The following GRID2IP variants were observed in gnomAD, a reference collection of about 807,000 sequenced individuals.
GRID2IP encodes Grid2 interacting protein, also known as delphilin.
Under a neutral mutation model 114.3 loss-of-function variants are expected in GRID2IP, and 78 were observed. The ratio of observed to expected loss-of-function variants is 0.68; its 90% CI spans 0.57 to 0.82. The LOEUF is 0.82. Among genes scored for constraint, GRID2IP ranks in the 40% least tolerant of loss-of-function variants. GRID2IP has a pLI of 0.00. For missense variants in GRID2IP, 1,727 were observed against 1,678.5 expected (o/e 1.03, Z -0.51); for synonymous variants, 809 against 724.0 (o/e 1.12, Z -1.89).
rs2115362449 is a variant in GRID2IP at position 6,508,477 on chromosome 7, C to G, written c.2128-76G>C. Reference sequence around the variant, plus strand: ...CTAGAGCAGGTGCAAAGTGAAGGATCATGGGATAGCCTGGGACAAGGACAG... The same window carrying G: ...CTAGAGCAGGTGCAAAGTGAAGGATGATGGGATAGCCTGGGACAAGGACAG... On this transcript the variant is annotated intron_variant, in intron 12 of 21. Transcript: ENST00000457091. This position sits in a 1 kb window ranked among gnomAD's most constrained non-coding sequence, Gnocchi z 5.6. The G allele has an allele frequency of 6.5e-7, 1 of 1,539,624 alleles. No homozygotes were observed. Among genetic ancestry groups the G allele is most frequent in the South Asian group, 1.2e-5 (1 of 82,272 alleles).
At chr7:6,525,180 G>T (rs1283169402) in intron 4 of GRID2IP, among the ~76,000 whole-genome samples, 1 of 151,894 alleles carries the variant, frequency 6.6e-6, no homozygotes, top group African/African-American at 2.4e-5. Flanking sequence ...GGTGGCAGGC[G>T]CCTGTAATCT....
At chr7:6,535,189 C>A (rs901035289) in intron 2 of GRID2IP, among the ~76,000 whole-genome samples, 1 of 151,340 alleles carries the variant, frequency 6.6e-6, no homozygotes, top group Admixed American at 6.6e-5. Context: ...CGGGCCTTGC[C>A]CAGCAAATTG....
Position 6,509,102 on chromosome 7 carries a change from C to T in GRID2IP, c.1983G>A (p.Pro661=), listed in dbSNP as rs1384341191. 1.2e-4 allele frequency: 36 copies of T among 305,934 alleles called. No homozygotes were observed. The highest frequency in any genetic ancestry group is 2.2e-3 in the Middle Eastern group (2 of 908). The allele number at this position is 305,934 out of a possible 1,614,324, so 19.0% of individuals were successfully genotyped here. The change falls in exon 12 of 22, where the codon CCG becomes CCA. Residue 661 remains proline, a synonymous_variant. Coordinates refer to ENST00000457091, the MANE Select transcript of GRID2IP (RefSeq NM_001145118.2). This position sits in a 1 kb window ranked among gnomAD's most constrained non-coding sequence, Gnocchi z 4.9. The part of the protein sequence containing the change: ...DSPPSPDPTR[P]PSRRKLFTFS... ...AGGTGAAGAGCTTCCTGCGGCTGGG[C>T]GGGCGGGTGGGGTCCGGGCTTGGGG...
intron 1 of GRID2IP, among the ~76,000 whole-genome samples, chr7:6,549,605 T>A (rs1013499338): frequency 6.6e-6 from 1 of 152,110 alleles, no homozygotes; most frequent in African/African-American, 2.4e-5. Flanking sequence ...GGAATTCTTT[T>A]ACATTTTTTT....
At chr7:6,504,387 G>C (rs1786514341) in intron 15 of GRID2IP, among the ~76,000 whole-genome samples, 1 of 148,748 alleles carries the variant, frequency 6.7e-6, no homozygotes, top group Non-Finnish European at 1.5e-5. Flanking sequence ...CCTGCGAGGG[G>C]TGCCGTAGGG....
In GRID2IP at chr7:6,509,059, T is replaced by G. The variant is rs1294023041; in HGVS notation, c.2026A>C (p.Ser676Arg). Reference protein sequence around the residue: ...KLFTFSHPVRSRDTDRFLDVL... With the variant: ...KLFTFSHPVRRRDTDRFLDVL... ...TCCAGGAAGCGGTCAGTATCGCGGC[T>G]TCGCACAGGGTGGGAGAAGGTGAAG... is the stretch of plus-strand genomic sequence containing the variant. Residue 676 changes from serine (S) to arginine (R), a missense_variant, in exon 12 of 22, where the codon AGC (serine) becomes CGC (arginine). Transcript: ENST00000457091. This position sits in a 1 kb window ranked among gnomAD's most constrained non-coding sequence, Gnocchi z 4.9. 3.3e-6 allele frequency: 5 copies of G among 1,537,376 alleles called. No homozygotes were observed. The highest frequency in any genetic ancestry group is 8.7e-7 in the Non-Finnish European group (1 of 1,142,988).
intron 1 of GRID2IP, 129 bp from the exon 2 acceptor site, chr7:6,540,001 G>T (rs1779787974): frequency 1.5e-6 from 1 of 688,386 alleles, no homozygotes; most frequent in Non-Finnish European, 2.4e-6. Context: ...CCACCTGAGT[G>T]CTATGCCCAT....
At chr7:6,527,798 G>A (rs1213821726) in intron 2 of GRID2IP, among the ~76,000 whole-genome samples, 2 of 146,158 alleles carry the variant, frequency 1.4e-5, no homozygotes, top group African/African-American at 2.5e-5. Flanking sequence ...TTGCTCTGTC[G>A]CCCAGGCTGG....
At chr7:6,510,568 GC>G (rs1444477445) in intron 10 of GRID2IP, 40 bp downstream of exon 10, 2 of 1,446,286 alleles carry the variant, frequency 1.4e-6, no homozygotes, top group Non-Finnish European at 1.9e-6. Context: ...TCCATTCCCT[GC>G]CCCCTACTGA....
rs1211740709 is a variant in GRID2IP, at chr7:6,508,545, G to A, written c.2128-144C>T. The A allele has an allele frequency of 6.5e-5, 89 of 1,360,904 alleles. No individual in the cohort carries two copies. Among genetic ancestry groups the A allele is most frequent in the Admixed American group, 2.0e-4 (9 of 44,364 alleles). 84.3% of individuals were successfully genotyped at this position (1,360,904 alleles called of 1,614,324 possible). A position where few individuals can be genotyped will look rare whatever the true frequency, so the allele number is the denominator to read the frequency against. On this transcript the variant is annotated intron_variant, in intron 12 of 21. Coordinates refer to ENST00000457091, the MANE Select transcript of GRID2IP (RefSeq NM_001145118.2). This position sits in a 1 kb window ranked among gnomAD's most constrained non-coding sequence, Gnocchi z 5.6. ...GCCTCAGGCTGTGAGGGACACCTGG[G>A]CTAAGGATAGGACTGTCTCACAGGT...
Position 6,543,287 on chromosome 7 carries a change from C to T in GRID2IP, c.430-3415G>A, listed in dbSNP as rs1344944147. Among the ~76,000 whole-genome samples the T allele has an allele frequency of 3.3e-5, 5 of 152,142 alleles. No individual in the cohort carries two copies. In the East Asian group the frequency reaches 9.6e-4, roughly 29 times the overall value. On this transcript the variant is annotated intron_variant, in intron 1 of 21. Coordinates refer to ENST00000457091, the MANE Select transcript of GRID2IP (RefSeq NM_001145118.2). ...TGGCAAACGCCTGTAATCCCAGTTACTCGGGAGGCTGAGGCAGGAGAATTG... is the reference window on the plus strand; with the variant it reads ...TGGCAAACGCCTGTAATCCCAGTTATTCGGGAGGCTGAGGCAGGAGAATTG...
At chr7:6,530,459 T>G (rs1403652834) in intron 2 of GRID2IP, among the ~76,000 whole-genome samples, 1 of 150,970 alleles carries the variant, frequency 6.6e-6, no homozygotes, top group Non-Finnish European at 1.5e-5. Flanking sequence ...GAGACGGGGT[T>G]TCACCATGTT....
Position 6,532,466 on chromosome 7 carries a change from C to G in GRID2IP, c.585-5697G>C, listed in dbSNP as rs1779649659. The stretch of plus-strand genomic sequence containing the variant: ...ATCGGTCTCTGGTACTGTCCACGCA[C>G]TGCTCCCCAATACACTGCAGCCCCC... On this transcript the variant is annotated intron_variant, in intron 2 of 21. Transcript: ENST00000457091. This position sits in a 1 kb window ranked among gnomAD's most constrained non-coding sequence, Gnocchi z 4.4. Among the ~76,000 whole-genome samples, 1 of 152,194 alleles carries G rather than the reference C, an allele frequency of 6.6e-6. No homozygotes were observed. The highest frequency in any genetic ancestry group is 2.4e-5 in the African/African-American group (1 of 41,440).
Position 6,503,571 on chromosome 7 carries a change from C to T in GRID2IP, c.2827G>A (p.Asp943Asn). 1 of 1,528,736 alleles carries T rather than the reference C, an allele frequency of 6.5e-7. No individual in the cohort carries two copies. The highest frequency in any genetic ancestry group is 8.7e-7 in the Non-Finnish European group (1 of 1,144,190). The allele number at this position is 1,528,736 out of a possible 1,614,324, so 94.7% of individuals were successfully genotyped here. A position where few individuals can be genotyped will look rare whatever the true frequency, so the allele number is the denominator to read the frequency against. The change falls in exon 16 of 22, where the codon GAC (aspartate) becomes AAC (asparagine). Residue 943 changes from aspartate (D) to asparagine (N), a missense_variant. Asp to Asn is a conservative substitution (Grantham distance 23). Transcript: ENST00000457091. Reference sequence around the variant, plus strand: ...TGGTAGCGCTGCTCCTCGTCGGCGTCGGGCGCGAAGAGCAGCAGCTGCGCG... The same window carrying T: ...TGGTAGCGCTGCTCCTCGTCGGCGTTGGGCGCGAAGAGCAGCAGCTGCGCG... Reference protein sequence around the residue: ...HLAQLLLFAPDADEEQRYQAF... With the variant: ...HLAQLLLFAPNADEEQRYQAF...
At position 6,521,550 on chromosome 7, in the gene GRID2IP, G is replaced by T; in HGVS notation, c.990-27C>A. The T allele has an allele frequency of 1.3e-6, 2 of 1,507,010 alleles. No individual in the cohort carries two copies. The highest frequency in any genetic ancestry group is 2.8e-5 in the African/African-American group (2 of 72,282). 93.4% of individuals were successfully genotyped at this position (1,507,010 alleles called of 1,614,324 possible). A position where few individuals can be genotyped will look rare whatever the true frequency, so the allele number is the denominator to read the frequency against. On this transcript the variant is annotated intron_variant, in intron 5 of 21. Transcript: ENST00000457091. The surrounding 1 kb of genome is among the most constrained non-coding windows in gnomAD (Gnocchi z 4.1). Reference sequence around the variant, plus strand: ...TGCCAAGCAGAGATGGCCCAGGAGGGCCTGACTGGGGTGAGCCCTGTCCAC... The same window carrying T: ...TGCCAAGCAGAGATGGCCCAGGAGGTCCTGACTGGGGTGAGCCCTGTCCAC...
chr7:6,522,007 T>C, intron 4 of GRID2IP, 50 bp from the exon 5 acceptor site: 1 of 1,407,858 alleles, frequency 7.1e-7, no homozygotes, highest in Non-Finnish European at 9.8e-7. Flanking sequence ...GGGTACCACT[T>C]TGAGAGCAGG....
chr7:6,508,339 G>A lies in GRID2IP; in HGVS notation c.2190C>T (p.Cys730=). Residue 730 remains cysteine (C), a synonymous_variant, in exon 13 of 22, where the codon TGC becomes TGT. Transcript: ENST00000457091. The surrounding 1 kb of genome is among the most constrained non-coding windows in gnomAD (Gnocchi z 5.6). ...AGCTGCCTTCTTCACTGCTGCTGAT[G>A]CAGTCGCTGGCGCTGCTCCGCTCAT... ...VTNERSSASD[C]ISSSEEGSSL... The A allele has an allele frequency of 2.6e-6, 4 of 1,551,592 alleles. No homozygotes were observed. The highest frequency in any genetic ancestry group is 3.5e-6 in the Non-Finnish European group (4 of 1,147,036).
intron 13 of GRID2IP, 89 bp from the exon 14 acceptor site, chr7:6,505,996 G>A: frequency 1.2e-6 from 1 of 838,532 alleles, no homozygotes; most frequent in East Asian, 2.7e-5. Context: ...GCTGCCATAG[G>A]GGCTTCCCGA....
At position 6,551,336 on chromosome 7, in the gene GRID2IP, T is replaced by C; in HGVS notation, c.101A>G (p.Lys34Arg). The C allele has an allele frequency of 6.5e-7, 1 of 1,548,268 alleles. No homozygotes were observed. Among genetic ancestry groups the C allele is most frequent in the Non-Finnish European group, 8.7e-7 (1 of 1,146,688 alleles). The change falls in exon 1 of 22, where the codon AAG (lysine) becomes AGG (arginine). Residue 34 changes from lysine to arginine, a missense_variant. Physicochemically the swap from Lys to Arg is conservative, Grantham distance 26. Coordinates refer to ENST00000457091, the MANE Select transcript of GRID2IP (RefSeq NM_001145118.2). ...TCCTCCGGCATGCGCGCTGCTCCCCTTGGCCACCTCCAGGACGAAGCAGGG... is the reference window on the plus strand; with the variant it reads ...TCCTCCGGCATGCGCGCTGCTCCCCCTGGCCACCTCCAGGACGAAGCAGGG... ...SGPCFVLEVAKGSSAHAGGLR... is the reference protein window; with the variant it reads ...SGPCFVLEVARGSSAHAGGLR...
Sources: allele counts gnomAD v4.1 joint callset (sites outside exome capture counted in the v4.1 genomes callset), GRCh38; gene constraint gnomAD v4.1.1; non-coding constraint Gnocchi (gnomAD v3.1); transcripts MANE v1.5; gene names NCBI Gene and HGNC (gene_info 2026-07-23, HGNC 2026-07-21).